Variants in WDR43 observed in about 807,000 individuals in gnomAD.
The protein encoded by WDR43 is WD repeat domain 43, also known as WD repeat-containing protein 43.
A neutral mutation model predicts 91.4 loss-of-function variants in WDR43; 13 were observed. The ratio of observed to expected loss-of-function variants is 0.14; its 90% CI spans 0.09 to 0.23. WDR43 has a LOEUF of 0.23. Among genes scored for constraint, WDR43 ranks in the 10% least tolerant of loss-of-function variants. WDR43 has a pLI of 1.00. For missense variants in WDR43, 780 were observed against 809.4 expected (o/e 0.96, Z 0.44); for synonymous variants, 331 against 287.9 (o/e 1.15, Z -1.51).
chr2:28,932,478 T>C (rs558353903), intron 11 of WDR43, among the ~76,000 whole-genome samples: 77 of 152,238 alleles, frequency 5.1e-4, no homozygotes, highest in African/African-American at 1.7e-3. Flanking sequence ...AACCCTTTTT[T>C]AAAAAAGAAA....
intron 16 of WDR43, among the ~76,000 whole-genome samples, chr2:28,943,232 C>A (rs1429780674): frequency 6.6e-6 from 1 of 151,544 alleles, no homozygotes; most frequent in Non-Finnish European, 1.5e-5. Flanking sequence ...CAAACTCTTA[C>A]ACTCAAGCGA....
intron 1 of WDR43, among the ~76,000 whole-genome samples, chr2:28,900,355 T>C (rs1670555760): frequency 6.6e-6 from 1 of 152,166 alleles, no homozygotes; most frequent in African/African-American, 2.4e-5. Context: ...TAATTTTTTT[T>C]GTATTTTTAG....
At chr2:28,935,063 C>T (rs1671313531) in intron 11 of WDR43, among the ~76,000 whole-genome samples, 2 of 152,118 alleles carry the variant, frequency 1.3e-5, no homozygotes, top group East Asian at 1.9e-4. Context: ...TTCAAGCTCT[C>T]ATTATGTCAT....
intron 2 of WDR43, among the ~76,000 whole-genome samples, chr2:28,904,566 A>G (rs1670642193): frequency 6.6e-6 from 1 of 152,232 alleles, no homozygotes; most frequent in Non-Finnish European, 1.5e-5. Context: ...CTACAGGAAC[A>G]GACTAAAAAT....
In WDR43 at chr2:28,901,486, C is replaced by T. The variant is rs144864028; in HGVS notation, c.226-501C>T. ...GTTGACTCAAATTGAAGTTAATGCACGTTTATAAAGGTAAAAACTTTTGAG... is the reference window on the plus strand; with the variant it reads ...GTTGACTCAAATTGAAGTTAATGCATGTTTATAAAGGTAAAAACTTTTGAG... On this transcript the variant is annotated intron_variant, in intron 1 of 17. Transcript: ENST00000407426. 7.9e-5 allele frequency among the ~76,000 whole-genome samples: 12 copies of T among 152,266 alleles called. No homozygotes were observed. In the East Asian group the frequency reaches 2.3e-3, roughly 29 times the overall value.
intron 16 of WDR43, among the ~76,000 whole-genome samples, chr2:28,945,560 G>C (rs1671530022): frequency 6.6e-6 from 1 of 152,076 alleles, no homozygotes; most frequent in Non-Finnish European, 1.5e-5. Context: ...CTTTTAATTT[G>C]CTCCTCTAAG....
intron 1 of WDR43, among the ~76,000 whole-genome samples, chr2:28,898,510 G>C (rs1407054523): frequency 1.3e-5 from 2 of 152,166 alleles, no homozygotes; most frequent in Admixed American, 1.3e-4. Context: ...AATACATTTT[G>C]TTCACTGTTA....
chr2:28,911,844 G>A (rs1328884676), intron 3 of WDR43, among the ~76,000 whole-genome samples: 2 of 149,298 alleles, frequency 1.3e-5, no homozygotes, highest in East Asian at 2.0e-4. Context: ...GACTGGTCTC[G>A]AACTCCTGGA....
chr2:28,945,415 GCTA>G (rs1671528048), intron 16 of WDR43, among the ~76,000 whole-genome samples: 1 of 152,078 alleles, frequency 6.6e-6, no homozygotes, highest in Admixed American at 6.5e-5. Context: ...GTTGAATCTG[GCTA>G]CTGTGTTTCT....
intron 7 of WDR43, among the ~76,000 whole-genome samples, chr2:28,924,753 CAG>C (rs1231335764): frequency 2.0e-5 from 3 of 151,898 alleles, no homozygotes; most frequent in Non-Finnish European, 4.4e-5. Flanking sequence ...AAAAATGGGA[CAG>C]AGGGGGAAGT....
intron 2 of WDR43, among the ~76,000 whole-genome samples, chr2:28,905,465 G>T (rs1046442234): frequency 3.9e-5 from 6 of 152,184 alleles, no homozygotes; most frequent in African/African-American, 1.4e-4. Flanking sequence ...GTGTTTACCT[G>T]AAGTAACAGT....
chr2:28,921,034 T>A (rs1267941420), intron 6 of WDR43, among the ~76,000 whole-genome samples: 1 of 152,164 alleles, frequency 6.6e-6, no homozygotes, highest in African/African-American at 2.4e-5. Context: ...CTTTTAGATT[T>A]AACTTTAGGT....
chr2:28,922,532 G>A (rs1671052335), intron 6 of WDR43, among the ~76,000 whole-genome samples: 1 of 152,198 alleles, frequency 6.6e-6, no homozygotes. Context: ...GACCGGGGAT[G>A]GAGGAAGAGA....
At position 28,927,476 on chromosome 2, in the gene WDR43, G is replaced by C. The variant is rs186415966; in HGVS notation, c.1174-93G>C. ...TTAATTATATTGCATTTTTCCAATA[G>C]AGGAGCCCTTTAAAAGCTGTTTTCT... On this transcript the variant is annotated intron_variant, in intron 9 of 17. Coordinates refer to ENST00000407426, the MANE Select transcript of WDR43 (RefSeq NM_015131.3). 2,685 of 1,425,534 alleles carry C rather than the reference G, an allele frequency of 1.9e-3. 5 individuals are homozygous for C. The highest frequency in any genetic ancestry group is 2.3e-3 in the Non-Finnish European group (2,465 of 1,056,026). The allele number at this position is 1,425,534 out of a possible 1,614,324, so 88.3% of individuals were successfully genotyped here.
chr2:28,894,744 G>T lies in WDR43; in HGVS notation c.46G>T (p.Gly16Trp), dbSNP rs1051958560. ...TAGCTGCGACCCCCTGGCCCCTGCT[G>T]GGGTCCCTTGCGCCTTCTCCCCGCA... ...GGSCDPLAPA[G>W]VPCAFSPHSQ... Residue 16 changes from glycine to tryptophan, a missense_variant, in exon 1 of 18, where the codon GGG (glycine) becomes TGG (tryptophan). Gly to Trp is a radical substitution (Grantham distance 184, BLOSUM62 -2). Transcript: ENST00000407426. 4.4e-6 allele frequency: 7 copies of T among 1,592,850 alleles called. No individual in the cohort carries two copies. Among genetic ancestry groups the T allele is most frequent in the Non-Finnish European group, 6.0e-6 (7 of 1,170,558 alleles).
chr2:28,930,980 C>T (rs1165523108), intron 11 of WDR43, among the ~76,000 whole-genome samples: 1 of 152,098 alleles, frequency 6.6e-6, no homozygotes, highest in East Asian at 1.9e-4. Context: ...TAACCATAAT[C>T]CATTGTTGCA....
intron 1 of WDR43, chr2:28,895,162 T>G (rs1572575510): frequency 2.8e-6 from 1 of 358,450 alleles, no homozygotes; most frequent in East Asian, 4.5e-5. Context: ...CCCTGCCGGC[T>G]GGCCCAATGA....
At chr2:28,925,212 G>A in intron 8 of WDR43, 59 bp downstream of exon 8, 1 of 1,407,148 alleles carries the variant, frequency 7.1e-7, no homozygotes, top group Non-Finnish European at 9.4e-7. Context: ...ATGGAAGAGA[G>A]TGATTTTAAA....
chr2:28,943,968 A>G (rs1454270920), intron 16 of WDR43, among the ~76,000 whole-genome samples: 1 of 152,184 alleles, frequency 6.6e-6, no homozygotes, highest in Non-Finnish European at 1.5e-5. Context: ...GTGCAGTCCC[A>G]AAGTGATCCC....
Sources: gnomAD v4.1 joint callset for allele counts (sites outside exome capture counted in the v4.1 genomes callset) on GRCh38, gnomAD v4.1.1 for gene constraint, MANE v1.5 for transcripts, NCBI Gene and HGNC (gene_info 2026-07-23, HGNC 2026-07-21) for gene names.